The following GLP2R variants were observed in gnomAD, a reference collection of about 807,000 sequenced individuals.
The protein encoded by GLP2R is glucagon-like peptide 2 receptor.
A neutral mutation model predicts 68.2 loss-of-function variants in GLP2R; 59 were observed. The ratio of observed to expected loss-of-function variants is 0.87; its 90% CI spans 0.70 to 1.07. GLP2R has a LOEUF of 1.07. GLP2R is among the 50% of genes least tolerant of loss of function. GLP2R has a pLI of 0.00. For missense variants in GLP2R, 548 were observed against 677.4 expected, an observed-to-expected ratio of 0.81 and a Z score of 2.12; for synonymous variants, 270 against 265.4, an observed-to-expected ratio of 1.02 and a Z score of -0.17.
Position 9,890,275 on chromosome 17 carries a change from C to T in GLP2R, c.*570C>T, listed in dbSNP as rs892624952. On this transcript the variant is annotated 3_prime_UTR_variant, in exon 13 of 13. Coordinates refer to ENST00000262441, the MANE Select transcript of GLP2R (RefSeq NM_004246.3). ...CAGGGTGAGAGGGAGCTAGAAGCGC[C>T]CCCATGTGGCCATGGCAGGATGCTG... The T allele has an allele frequency of 2.4e-5, 8 of 338,312 alleles. No individual in the cohort carries two copies. Among genetic ancestry groups the T allele is most frequent in the African/African-American group, 1.7e-4 (8 of 46,076 alleles). 21.0% of individuals were successfully genotyped at this position (338,312 alleles called of 1,614,324 possible). A position where few individuals can be genotyped will look rare whatever the true frequency, so the allele number is the denominator to read the frequency against.
chr17:9,852,044 A>ATTTGTTTTTTTT (rs1049408560), intron 4 of GLP2R, among the ~76,000 whole-genome samples: 1 of 116,838 alleles, frequency 8.6e-6, no homozygotes, highest in South Asian at 2.6e-4. Flanking sequence ...AATGTATAGC[A>ATTTGTTTTTTTT]TTTGTTTTTT....
intron 10 of GLP2R, among the ~76,000 whole-genome samples, chr17:9,878,418 G>A (rs977219407): frequency 6.6e-6 from 1 of 152,194 alleles, no homozygotes; most frequent in Non-Finnish European, 1.5e-5. Context: ...TAACCTCTGG[G>A]CCAGAGGGCT....
At chr17:9,873,417 C>T (rs993218716) in intron 10 of GLP2R, among the ~76,000 whole-genome samples, 1 of 152,138 alleles carries the variant, frequency 6.6e-6, no homozygotes, top group Non-Finnish European at 1.5e-5. Flanking sequence ...AGAAGTGCAG[C>T]CTTGTGAGCC....
intron 10 of GLP2R, among the ~76,000 whole-genome samples, chr17:9,874,874 C>T (rs1171207740): frequency 6.6e-6 from 1 of 152,160 alleles, no homozygotes; most frequent in Admixed American, 6.5e-5. Flanking sequence ...CCTGAAAAAT[C>T]ACTATCTGCC....
At chr17:9,851,643 A>G (rs1173307263) in intron 4 of GLP2R, among the ~76,000 whole-genome samples, 1 of 152,142 alleles carries the variant, frequency 6.6e-6, no homozygotes, top group Non-Finnish European at 1.5e-5. Flanking sequence ...CTCAAAGTCT[A>G]CACCGAGAGT....
chr17:9,849,121 T>A (rs1364119806), intron 4 of GLP2R, among the ~76,000 whole-genome samples: 1 of 151,664 alleles, frequency 6.6e-6, no homozygotes, highest in Non-Finnish European at 1.5e-5. Context: ...TAATTTATAA[T>A]ATATCCATTG....
At chr17:9,872,484 G>A (rs907155234) in intron 10 of GLP2R, among the ~76,000 whole-genome samples, 1 of 152,224 alleles carries the variant, frequency 6.6e-6, no homozygotes, top group Non-Finnish European at 1.5e-5. Context: ...GGCTGAGGCA[G>A]GAGAATCACT....
At chr17:9,827,453 T>C (rs1015357898) in intron 1 of GLP2R, among the ~76,000 whole-genome samples, 1 of 152,174 alleles carries the variant, frequency 6.6e-6, no homozygotes, top group African/African-American at 2.4e-5. Flanking sequence ...TAAATGTAGA[T>C]CCATGGTATA....
intron 1 of GLP2R, among the ~76,000 whole-genome samples, chr17:9,831,763 A>C (rs993659220): frequency 6.6e-6 from 1 of 152,158 alleles, no homozygotes; most frequent in African/African-American, 2.4e-5. Context: ...ACTGTGGAGC[A>C]GTGTGGAGGG....
At chr17:9,838,929 C>T (rs576548737) in intron 3 of GLP2R, among the ~76,000 whole-genome samples, 2 of 152,288 alleles carry the variant, frequency 1.3e-5, no homozygotes, top group East Asian at 1.9e-4. Context: ...AGGAGAATGG[C>T]GTGAACCCGG....
intron 4 of GLP2R, among the ~76,000 whole-genome samples, chr17:9,851,478 T>G (rs1436222765): frequency 6.6e-6 from 1 of 152,180 alleles, no homozygotes; most frequent in Non-Finnish European, 1.5e-5. Flanking sequence ...GGATTTCTTA[T>G]AGGGGGTAGG....
At chr17:9,837,080 C>T (rs1252506139) in intron 3 of GLP2R, among the ~76,000 whole-genome samples, 2 of 152,034 alleles carry the variant, frequency 1.3e-5, no homozygotes, top group Non-Finnish European at 2.9e-5. Flanking sequence ...GTCTCAGTCT[C>T]CTGACCTCAG....
chr17:9,838,349 C>T (rs1239758631), intron 3 of GLP2R, among the ~76,000 whole-genome samples: 1 of 152,224 alleles, frequency 6.6e-6, no homozygotes, highest in Admixed American at 6.5e-5. Flanking sequence ...TGAGAAGGCA[C>T]TCACAGGGTG....
intron 3 of GLP2R, among the ~76,000 whole-genome samples, chr17:9,837,862 C>G (rs1467965883): frequency 1.3e-5 from 2 of 152,180 alleles, no homozygotes; most frequent in African/African-American, 4.8e-5. Context: ...TGAGAACCAG[C>G]TTCTGAGAGG....
chr17:9,839,846 T>C (rs1400260266), intron 3 of GLP2R, among the ~76,000 whole-genome samples: 1 of 152,126 alleles, frequency 6.6e-6, no homozygotes, highest in East Asian at 1.9e-4. Context: ...CCAGGAGGCC[T>C]CCTCACAGGC....
At chr17:9,861,078 G>C in intron 7 of GLP2R, 61 bp from the exon 8 acceptor site, 1 of 1,160,428 alleles carries the variant, frequency 8.6e-7, no homozygotes, top group Non-Finnish European at 1.3e-6. Context: ...CCGCTGTGGT[G>C]GGAGGCAAGC....
chr17:9,877,542 C>T (rs796250331), intron 10 of GLP2R, among the ~76,000 whole-genome samples: 52 of 152,122 alleles, frequency 3.4e-4, no homozygotes, highest in African/African-American at 1.2e-3. Context: ...AGTAATATAC[C>T]GTGTTGGTTT....
chr17:9,854,282 G>A (rs895868939), intron 4 of GLP2R, among the ~76,000 whole-genome samples: 5 of 152,234 alleles, frequency 3.3e-5, no homozygotes, highest in African/African-American at 1.2e-4. Context: ...CCCACCGTGG[G>A]CTCTTCACTT....
At chr17:9,835,602 G>A (rs192419056) in intron 2 of GLP2R, among the ~76,000 whole-genome samples, 84 of 152,170 alleles carry the variant, frequency 5.5e-4, no homozygotes, top group African/African-American at 1.9e-3. Flanking sequence ...TCCGTATTCC[G>A]CTGGTCGTTT....
Sources: gnomAD v4.1 joint callset for allele counts (sites outside exome capture counted in the v4.1 genomes callset) on GRCh38, gnomAD v4.1.1 for gene constraint, MANE v1.5 for transcripts, NCBI Gene and HGNC (gene_info 2026-07-23, HGNC 2026-07-21) for gene names.